CFDP1: variants seen among roughly 807,000 people sequenced by gnomAD.
CFDP1 encodes the protein chromatin remodeling protein CFDP1.
Under a neutral mutation model 40.1 loss-of-function variants are expected in CFDP1, and 31 were observed. The observed-to-expected ratio is 0.77, with a 90% CI of 0.58 to 1.04. The LOEUF (loss-of-function observed/expected upper bound fraction) is 1.04, where lower values mean the gene tolerates loss of function less well. CFDP1 is among the 50% of genes least tolerant of loss of function. The pLI, the probability that CFDP1 is intolerant of heterozygous loss-of-function variation, is 0.00. For synonymous variants in CFDP1, 167 were observed against 120.0 expected (o/e 1.39, Z -2.56); for missense variants, 423 against 343.4 (o/e 1.23, Z -1.83).
At chr16:75,385,210 C>T (rs1043954839) in intron 5 of CFDP1, among the ~76,000 whole-genome samples, 10 of 151,712 alleles carry the variant, frequency 6.6e-5, no homozygotes, top group Admixed American at 3.3e-4. Context: ...TAGTAACTGA[C>T]GTAAGTATGA....
intron 5 of CFDP1, among the ~76,000 whole-genome samples, chr16:75,321,667 G>T (rs2078364478): frequency 6.6e-6 from 1 of 152,154 alleles, no homozygotes; most frequent in Non-Finnish European, 1.5e-5. Flanking sequence ...ACCAGAAACA[G>T]AAACTAAGAA....
intron 4 of CFDP1, among the ~76,000 whole-genome samples, chr16:75,397,291 G>C (rs914880210): frequency 7.3e-5 from 11 of 151,626 alleles, no homozygotes; most frequent in African/African-American, 2.7e-4. Flanking sequence ...AAAGTGGGCA[G>C]ATCATTTGAG....
chr16:75,382,021 TG>T (rs1419738398), intron 5 of CFDP1, among the ~76,000 whole-genome samples: 2 of 149,752 alleles, frequency 1.3e-5, no homozygotes, highest in East Asian at 2.0e-4. Flanking sequence ...GAGGCTGAGG[TG>T]GGAAGATCAC....
intron 1 of CFDP1, among the ~76,000 whole-genome samples, chr16:75,422,225 T>C (rs539418394): frequency 8.5e-5 from 13 of 152,110 alleles, no homozygotes; most frequent in Non-Finnish European, 1.6e-4. Flanking sequence ...GCCTCCCAAG[T>C]AGCTGGGATT....
At chr16:75,344,695 A>T (rs1345274188) in intron 5 of CFDP1, among the ~76,000 whole-genome samples, 3 of 152,194 alleles carry the variant, frequency 2.0e-5, no homozygotes, top group Admixed American at 2.0e-4. Context: ...GCACTTTAGG[A>T]GGCCCAGATG....
At chr16:75,360,598 C>T (rs2078674334) in intron 5 of CFDP1, among the ~76,000 whole-genome samples, 1 of 152,182 alleles carries the variant, frequency 6.6e-6, no homozygotes. Context: ...GCATACATAA[C>T]AATAACTTTC....
intron 1 of CFDP1, among the ~76,000 whole-genome samples, chr16:75,428,364 C>G (rs1006530801): frequency 6.6e-6 from 1 of 152,016 alleles, no homozygotes. Context: ...ACCTGTAATC[C>G]CAGCACTTTG....
chr16:75,352,516 T>G (rs1333407822), intron 5 of CFDP1, among the ~76,000 whole-genome samples: 1 of 152,220 alleles, frequency 6.6e-6, no homozygotes, highest in Non-Finnish European at 1.5e-5. Context: ...TGCCATCATT[T>G]CATAACCATA....
At chr16:75,342,384 T>C (rs993625071) in intron 5 of CFDP1, among the ~76,000 whole-genome samples, 2 of 152,224 alleles carry the variant, frequency 1.3e-5, no homozygotes, top group Admixed American at 6.5e-5. Context: ...CAGGAACTTA[T>C]GTATCCAAAA....
chr16:75,395,075 G>A lies in CFDP1; in HGVS notation c.650+15C>T. The A allele has an allele frequency of 6.2e-7, 1 of 1,613,286 alleles. No homozygotes were observed. The highest frequency in any genetic ancestry group is 8.5e-7 in the Non-Finnish European group (1 of 1,179,582). On this transcript the variant is annotated intron_variant, in intron 5 of 6. Transcript: ENST00000283882. ...ACGTGCCAAGTACATCAGGGAGTGAGACTCAAATACTCACCCTGACCCGGC... is the reference window on the plus strand; with the variant it reads ...ACGTGCCAAGTACATCAGGGAGTGAAACTCAAATACTCACCCTGACCCGGC...
At chr16:75,372,450 T>G (rs1311342625) in intron 5 of CFDP1, 1 of 152,188 alleles carries the variant, frequency 6.6e-6, no homozygotes, top group African/African-American at 2.4e-5. Flanking sequence ...ATCAGTGGAA[T>G]TGTCCAGTTC....
intron 6 of CFDP1, among the ~76,000 whole-genome samples, chr16:75,303,396 AATAAATGT>A (rs2078234957): frequency 3.3e-5 from 2 of 60,102 alleles, no homozygotes; most frequent in African/African-American, 7.7e-5. Flanking sequence ...TAAATAAATA[AATAAATGT>A]ATGTATGTAT....
intron 5 of CFDP1, among the ~76,000 whole-genome samples, chr16:75,354,428 C>T (rs2078633457): frequency 6.6e-6 from 1 of 152,092 alleles, no homozygotes. Context: ...AATGTGAAGT[C>T]CTGGTCTGCC....
At chr16:75,414,978 A>C (rs1466961899) in intron 1 of CFDP1, among the ~76,000 whole-genome samples, 1 of 152,138 alleles carries the variant, frequency 6.6e-6, no homozygotes, top group Non-Finnish European at 1.5e-5. Flanking sequence ...TGTGCTGTAT[A>C]CTCCAAGAGG....
chr16:75,294,555 T>G (rs892718858), intron 6 of CFDP1, among the ~76,000 whole-genome samples: 1 of 152,150 alleles, frequency 6.6e-6, no homozygotes, highest in East Asian at 1.9e-4. Flanking sequence ...ACAGTAAAAA[T>G]GACCTCACAG....
intron 5 of CFDP1, among the ~76,000 whole-genome samples, chr16:75,319,501 G>A (rs1597328502): frequency 6.6e-6 from 1 of 152,090 alleles, no homozygotes; most frequent in Admixed American, 6.5e-5. Context: ...AAGTGGTGAA[G>A]GTCATTTTTC....
intron 5 of CFDP1, among the ~76,000 whole-genome samples, chr16:75,354,531 T>C (rs1425770144): frequency 1.3e-5 from 2 of 152,172 alleles, no homozygotes; most frequent in Non-Finnish European, 2.9e-5. Flanking sequence ...AGTGTCCTCA[T>C]GATGCATAAA....
chr16:75,371,076 T>C (rs8057203), intron 5 of CFDP1, among the ~76,000 whole-genome samples: 79,621 of 152,050 alleles, frequency 0.52, 21,796 homozygotes, highest in Admixed American at 0.64. Flanking sequence ...CACATGTTCA[T>C]GTGGACTTCA....
chr16:75,411,738 G>A (rs899983072), intron 4 of CFDP1, 87 bp downstream of exon 4: 18 of 1,297,970 alleles, frequency 1.4e-5, no homozygotes, highest in Middle Eastern at 3.7e-4. Context: ...ATGATGGATT[G>A]AAAAGAGGAT....
Sources: gnomAD v4.1 joint callset for allele counts (sites outside exome capture counted in the v4.1 genomes callset) on GRCh38, gnomAD v4.1.1 for gene constraint, MANE v1.5 for transcripts, NCBI Gene and HGNC (gene_info 2026-07-23, HGNC 2026-07-21) for gene names.